RARB: variants seen among roughly 807,000 people sequenced by gnomAD.
RARB encodes retinoic acid receptor beta.
RARB carries 17 observed loss-of-function variants against 51.9 expected under a neutral mutation model. The ratio of observed to expected loss-of-function variants is 0.33; its 90% confidence interval spans 0.22 to 0.49. The LOEUF is 0.49. Ranked by LOEUF, RARB falls within the 20% of genes least tolerant of loss-of-function variation. The pLI is 0.99. For missense variants in RARB, 369 were observed against 550.8 expected, an observed-to-expected ratio of 0.67 and a Z score of 3.30; for synonymous variants, 215 against 195.4, an observed-to-expected ratio of 1.10 and a Z score of -0.84.
At chr3:24,992,202 A>G (rs1292235205) in intron 2 of RARB, among the ~76,000 whole-genome samples, 1 of 152,190 alleles carries the variant, frequency 6.6e-6, no homozygotes, top group Non-Finnish European at 1.5e-5. Context: ...TTATTTTATA[A>G]TAAGTAATCC....
intron 5 of RARB, among the ~76,000 whole-genome samples, chr3:25,288,703 G>A (rs1446819512): frequency 2.6e-5 from 4 of 152,048 alleles, no homozygotes; most frequent in African/African-American, 7.2e-5. Flanking sequence ...AGAGAGCCAA[G>A]CAGAACTGTC....
intron 5 of RARB, among the ~76,000 whole-genome samples, chr3:25,261,630 A>C (rs367835502): frequency 6.6e-6 from 1 of 152,114 alleles, no homozygotes; most frequent in East Asian, 1.9e-4. Context: ...TTTGGCTGGC[A>C]GCTGCATGTG....
chr3:25,303,010 C>A (rs1292709837), intron 5 of RARB, among the ~76,000 whole-genome samples: 5 of 152,150 alleles, frequency 3.3e-5, no homozygotes, highest in South Asian at 4.1e-4. Flanking sequence ...AGACAATAAT[C>A]TGAATGACAA....
At chr3:25,051,026 T>A (rs1316076293) in intron 2 of RARB, among the ~76,000 whole-genome samples, 2 of 152,174 alleles carry the variant, frequency 1.3e-5, no homozygotes, top group African/African-American at 4.8e-5. Flanking sequence ...TCTCTTTAAC[T>A]GTGTGGATTT....
intron 5 of RARB, among the ~76,000 whole-genome samples, chr3:25,379,815 C>T (rs1706572573): frequency 6.6e-6 from 1 of 152,038 alleles, no homozygotes; most frequent in Admixed American, 6.5e-5. Context: ...AAGACTTTTT[C>T]TTTCTTAGTG....
At chr3:24,832,881 A>G (rs1448913661) in intron 1 of RARB, among the ~76,000 whole-genome samples, 2 of 151,962 alleles carry the variant, frequency 1.3e-5, no homozygotes, top group Non-Finnish European at 2.9e-5. Flanking sequence ...TCCCTAAATC[A>G]TGGAGTTGTT....
intron 2 of RARB, among the ~76,000 whole-genome samples, chr3:24,959,522 G>A (rs1224385610): frequency 6.6e-6 from 1 of 152,190 alleles, no homozygotes; most frequent in East Asian, 1.9e-4. Context: ...GTGGGGCGGG[G>A]TAGGCCAGGA....
chr3:25,333,975 G>C (rs1016089356), intron 5 of RARB, among the ~76,000 whole-genome samples: 5 of 152,142 alleles, frequency 3.3e-5, no homozygotes, highest in African/African-American at 1.2e-4. Context: ...AAACCACAAT[G>C]AGATACCATC....
intron 2 of RARB, among the ~76,000 whole-genome samples, chr3:24,941,252 G>T (rs534360958): frequency 6.6e-6 from 1 of 152,092 alleles, no homozygotes; most frequent in Non-Finnish European, 1.5e-5. Flanking sequence ...TAGCATTCTT[G>T]GAGATATTGG....
intron 4 of RARB, among the ~76,000 whole-genome samples, chr3:25,151,316 G>A (rs1214927517): frequency 6.6e-6 from 1 of 152,152 alleles, no homozygotes; most frequent in Admixed American, 6.5e-5. Flanking sequence ...GAAGCAAATG[G>A]CAAGAACACT....
chr3:25,210,948 C>G (rs918925728), intron 5 of RARB, among the ~76,000 whole-genome samples: 1 of 152,108 alleles, frequency 6.6e-6, no homozygotes, highest in African/African-American at 2.4e-5. Context: ...GGTCCAGACA[C>G]TTATTTGCGA....
Position 24,980,904 on chromosome 3 carries a change from A to G in RARB, c.-379-79221A>G, listed in dbSNP as rs572966500. On this transcript the variant is annotated intron_variant, in intron 2 of 11. Coordinates refer to the RARB transcript ENST00000383772. ...GGTTTCTCCCCATCTTAATAGATTT[A>G]TCTACCTTTGGTCTTTGATGTTGGT... is the stretch of plus-strand genomic sequence containing the variant. Among the ~76,000 whole-genome samples, 166 of 152,246 alleles carry G rather than the reference A, an allele frequency of 1.1e-3. 3 individuals carry two copies. In the South Asian group the frequency reaches 0.013, roughly 12 times the overall value.
At chr3:24,908,351 C>T (rs773432811) in intron 2 of RARB, among the ~76,000 whole-genome samples, 2 of 151,862 alleles carry the variant, frequency 1.3e-5, no homozygotes, top group Non-Finnish European at 2.9e-5. Flanking sequence ...AAATATGTAC[C>T]AGTAGAATCT....
intron 2 of RARB, among the ~76,000 whole-genome samples, chr3:24,896,727 T>C (rs567947363): frequency 6.6e-6 from 1 of 152,314 alleles, no homozygotes; most frequent in South Asian, 2.1e-4. Flanking sequence ...TGCACTCCTC[T>C]TCCTCTTCCT....
chr3:24,864,005 T>C (rs964550139), intron 2 of RARB, among the ~76,000 whole-genome samples: 3 of 152,174 alleles, frequency 2.0e-5, no homozygotes, highest in African/African-American at 4.8e-5. Context: ...CCCTGACTTG[T>C]ATATTTTCAA....
Position 25,461,308 on chromosome 3 carries a change from C to T in RARB, c.273C>T (p.Tyr91=), listed in dbSNP as rs1470944295. The change falls in exon 2 of 8, where the codon TAC becomes TAT. Residue 91 remains tyrosine, a synonymous_variant. Transcript: ENST00000330688. The stretch of plus-strand genomic sequence containing the variant: ...TCTGCCAGGACAAATCATCAGGGTA[C>T]CACTATGGGGTCAGCGCCTGTGAGG... ...CFVCQDKSSG[Y]HYGVSACEGC... is the part of the protein sequence containing the mutation. 8 of 1,613,996 alleles carry T rather than the reference C, an allele frequency of 5.0e-6. No homozygotes were observed. The highest frequency in any genetic ancestry group is 5.9e-6 in the Non-Finnish European group (7 of 1,180,008).
chr3:25,435,512 T>C (rs76969640), intron 1 of RARB, among the ~76,000 whole-genome samples: 29,535 of 152,164 alleles, frequency 0.19, 3,218 homozygotes, highest in Non-Finnish European at 0.25. Flanking sequence ...AAAAGATTTT[T>C]TTAGGGGCTG....
chr3:25,370,655 G>A (rs1435000188), intron 5 of RARB, among the ~76,000 whole-genome samples: 1 of 152,192 alleles, frequency 6.6e-6, no homozygotes, highest in Non-Finnish European at 1.5e-5. Context: ...TGCAGAACCT[G>A]GGGATGGGTA....
rs576286081 is a variant in RARB at position 24,902,610 on chromosome 3, A to C, written c.-380+43858A>C. Reference sequence around the variant, plus strand: ...TGAACCGAGGATGATGAGACTGCTCACTGACCTCCCCCTTTTATCTCCTGA... The same window carrying C: ...TGAACCGAGGATGATGAGACTGCTCCCTGACCTCCCCCTTTTATCTCCTGA... On this transcript the variant is annotated intron_variant, in intron 2 of 11. Transcript: ENST00000383772. 7.0e-4 allele frequency among the ~76,000 whole-genome samples: 106 copies of C among 152,290 alleles called. 1 individual carries two copies. Among genetic ancestry groups the C allele is most frequent in the Middle Eastern group, 3.4e-3 (1 of 294 alleles).
Sources: allele counts gnomAD v4.1 joint callset (sites outside exome capture counted in the v4.1 genomes callset), GRCh38; gene constraint gnomAD v4.1.1; transcripts MANE v1.5; gene names NCBI Gene and HGNC (gene_info 2026-07-23, HGNC 2026-07-21).